Variants in RAB3C observed in about 807,000 individuals in gnomAD.
RAB3C encodes the protein ras-related protein Rab-3C.
In RAB3C, 17 loss-of-function variants were observed where a neutral mutation model predicts 26.4. The observed-to-expected ratio is 0.64, with a 90% CI of 0.44 to 0.97. The LOEUF is 0.97. Among genes scored for constraint, RAB3C ranks in the 50% least tolerant of loss-of-function variants. The pLI is 0.00. For missense variants in RAB3C, 242 were observed against 281.9 expected, an observed-to-expected ratio of 0.86 and a Z score of 1.01; for synonymous variants, 91 against 95.9, an observed-to-expected ratio of 0.95 and a Z score of 0.30.
chr5:58,812,702 T>A (rs950856339), intron 3 of RAB3C, among the ~76,000 whole-genome samples: 10 of 152,214 alleles, frequency 6.6e-5, no homozygotes, highest in African/African-American at 2.4e-4. Flanking sequence ...AATTAAAAGT[T>A]TCAAAACAGC....
At chr5:58,832,279 A>C (rs1369084820) in intron 4 of RAB3C, among the ~76,000 whole-genome samples, 3 of 152,174 alleles carry the variant, frequency 2.0e-5, no homozygotes. Flanking sequence ...GACCAATGTA[A>C]ATTTAGCAAA....
intron 3 of RAB3C, among the ~76,000 whole-genome samples, chr5:58,764,878 C>A (rs922710338): frequency 2.6e-5 from 4 of 152,142 alleles, no homozygotes; most frequent in African/African-American, 9.7e-5. Context: ...ATAATACCAC[C>A]TCCTGTTATC....
At chr5:58,826,479 T>C (rs1474701320) in intron 4 of RAB3C, among the ~76,000 whole-genome samples, 1 of 152,180 alleles carries the variant, frequency 6.6e-6, no homozygotes, top group Non-Finnish European at 1.5e-5. Flanking sequence ...GGAATTCTTT[T>C]TGTTTTTTGT....
intron 4 of RAB3C, among the ~76,000 whole-genome samples, chr5:58,829,955 C>T (rs1186007253): frequency 1.3e-5 from 2 of 152,136 alleles, no homozygotes; most frequent in Non-Finnish European, 2.9e-5. Context: ...CGTGTATCTT[C>T]CCTCTCACGG....
intron 2 of RAB3C, among the ~76,000 whole-genome samples, chr5:58,693,355 T>TATATATATATATATATATAC (rs1332614160): frequency 6.9e-6 from 1 of 144,540 alleles, no homozygotes; most frequent in African/African-American, 2.6e-5. Context: ...TATATATATA[T>TATATATATATATATATATAC]ATATATAAAA....
At chr5:58,590,376 A>T (rs192935323) in intron 1 of RAB3C, among the ~76,000 whole-genome samples, 18 of 152,212 alleles carry the variant, frequency 1.2e-4, no homozygotes, top group African/African-American at 4.3e-4. Flanking sequence ...CTAAATGTTT[A>T]TATCAGTATT....
intron 2 of RAB3C, among the ~76,000 whole-genome samples, chr5:58,643,987 A>G (rs752144776): frequency 4.0e-5 from 6 of 151,802 alleles, no homozygotes; most frequent in Non-Finnish European, 8.8e-5. Flanking sequence ...TGCCTGACTA[A>G]TTTTCGTACT....
At chr5:58,845,419 CA>C (rs929873954) in intron 4 of RAB3C, among the ~76,000 whole-genome samples, 1 of 151,498 alleles carries the variant, frequency 6.6e-6, no homozygotes, top group Non-Finnish European at 1.5e-5. Context: ...GAGACCAGAG[CA>C]AAAAGGATTA....
chr5:58,750,410 A>G (rs1405821168), intron 3 of RAB3C, among the ~76,000 whole-genome samples: 1 of 152,258 alleles, frequency 6.6e-6, no homozygotes, highest in Non-Finnish European at 1.5e-5. Context: ...AAATAAATGC[A>G]TGATATATGT....
At chr5:58,812,326 C>T (rs1344006754) in intron 3 of RAB3C, among the ~76,000 whole-genome samples, 4 of 152,110 alleles carry the variant, frequency 2.6e-5, no homozygotes, top group African/African-American at 9.7e-5. Context: ...TCATTCCTCC[C>T]GATGCCATTC....
chr5:58,727,169 A>C (rs573827782), intron 3 of RAB3C, among the ~76,000 whole-genome samples: 1 of 152,128 alleles, frequency 6.6e-6, no homozygotes, highest in Non-Finnish European at 1.5e-5. Context: ...AATGATTTTT[A>C]CATATATATC....
chr5:58,659,466 T>C (rs1747851695), intron 2 of RAB3C, among the ~76,000 whole-genome samples: 1 of 152,140 alleles, frequency 6.6e-6, no homozygotes, highest in Non-Finnish European at 1.5e-5. Context: ...AGAGGAAAAA[T>C]AAGCAATCTT....
At chr5:58,734,227 C>T (rs878900792) in intron 3 of RAB3C, among the ~76,000 whole-genome samples, 1 of 151,774 alleles carries the variant, frequency 6.6e-6, no homozygotes, top group Non-Finnish European at 1.5e-5. Context: ...CTTTTTCTTT[C>T]CCCTCCAAAA....
intron 3 of RAB3C, among the ~76,000 whole-genome samples, chr5:58,795,039 G>A (rs1053875076): frequency 4.6e-5 from 7 of 152,346 alleles, no homozygotes; most frequent in African/African-American, 1.4e-4. Flanking sequence ...TGTTGTGGGA[G>A]ACACCCGGTG....
intron 3 of RAB3C, among the ~76,000 whole-genome samples, chr5:58,802,364 T>C (rs999953838): frequency 2.0e-5 from 3 of 152,198 alleles, no homozygotes; most frequent in Non-Finnish European, 4.4e-5. Context: ...TGTTTGTGCA[T>C]CTGAGAAAAT....
chr5:58,671,020 T>A (rs1169638816), intron 2 of RAB3C, among the ~76,000 whole-genome samples: 2 of 152,240 alleles, frequency 1.3e-5, no homozygotes, highest in African/African-American at 4.8e-5. Flanking sequence ...AGTCACAACT[T>A]CTGTGGGCCC....
In RAB3C at chr5:58,675,615, CTTTTTTT is replaced by C. The variant is rs1195191076; in HGVS notation, c.253-50371_253-50365del. Reference sequence around the variant, plus strand: ...GCATCTCCAACCAGAGGCCATTTGTCTTTTTTTTTTTTTTTTTTTTTTGGCTTTTCAG... The same window carrying C: ...GCATCTCCAACCAGAGGCCATTTGTCTTTTTTTTTTTTTTTGGCTTTTCAG... On this transcript the variant is annotated intron_variant, in intron 2 of 4. Transcript: ENST00000282878. 1.7e-4 allele frequency among the ~76,000 whole-genome samples: 15 copies of C among 89,406 alleles called. No individual in the cohort carries two copies. The South Asian group carries it at 2.7e-3, about 16-fold the overall frequency. The allele number at this position is 89,406 out of a possible 152,430, so 58.7% of individuals were successfully genotyped here.
chr5:58,829,776 C>G (rs1743573133), intron 4 of RAB3C, among the ~76,000 whole-genome samples: 1 of 152,272 alleles, frequency 6.6e-6, no homozygotes, highest in East Asian at 1.9e-4. Context: ...CTGTACCCTT[C>G]CTTCTTGTCC....
chr5:58,589,296 A>G (rs953148715), intron 1 of RAB3C, among the ~76,000 whole-genome samples: 3 of 152,156 alleles, frequency 2.0e-5, no homozygotes, highest in African/African-American at 4.8e-5. Context: ...CTTTCTATAT[A>G]TAGCTGGATT....
Sources: allele counts gnomAD v4.1 joint callset (sites outside exome capture counted in the v4.1 genomes callset), GRCh38; gene constraint gnomAD v4.1.1; transcripts MANE v1.5; gene names NCBI Gene and HGNC (gene_info 2026-07-23, HGNC 2026-07-21).